The following TET2 variants were observed in gnomAD, a reference collection of about 807,000 sequenced individuals.
TET2 encodes tet methylcytosine dioxygenase 2.
Under a neutral mutation model 142.9 loss-of-function variants are expected in TET2, and 299 were observed. The observed-to-expected ratio is 2.09, with a 90% CI of 1.90 to 2.30. TET2 has a LOEUF of 2.30. TET2 is among the 30% of genes most tolerant of loss of function. TET2 has a pLI of 0.00. For synonymous variants in TET2, 819 were observed against 849.0 expected, an observed-to-expected ratio of 0.96 and a Z score of 0.61; for missense variants, 2,418 against 2,378.0, an observed-to-expected ratio of 1.02 and a Z score of -0.35.
intron 2 of TET2, among the ~76,000 whole-genome samples, chr4:105,198,336 C>CAATAAATA (rs551451195): frequency 6.6e-6 from 1 of 151,846 alleles, no homozygotes; most frequent in Non-Finnish European, 1.5e-5. Flanking sequence ...AACTCTGTCT[C>CAATAAATA]AATAAATAAA....
chr4:105,240,565 A>G, intron 3 of TET2: 2 of 1,079,356 alleles, frequency 1.9e-6, no homozygotes, highest in Non-Finnish European at 2.3e-6. Context: ...GTGTAGAAGG[A>G]TGGAGGGAGG....
At position 105,276,838 on chromosome 4, in the gene TET2, T is replaced by TCCCCCCC. The variant is rs59576487; in HGVS notation, c.*324_*330dup. The TCCCCCCC allele has an allele frequency of 2.6e-5, 4 of 155,948 alleles. No individual in the cohort carries two copies. Among genetic ancestry groups the TCCCCCCC allele is most frequent in the Non-Finnish European group, 4.9e-5 (4 of 81,402 alleles). The allele number at this position is 155,948 out of a possible 1,614,324, so 9.7% of individuals were successfully genotyped here. A position where few individuals can be genotyped will look rare whatever the true frequency, so the allele number is the denominator to read the frequency against. ...TGGACGAGATGATATGTAAATGTGA[T>TCCCCCCC]CCCCCCCCCCCGCTTACAACTCTAC... On this transcript the variant is annotated 3_prime_UTR_variant, in exon 11 of 11. Transcript: ENST00000380013.
intron 2 of TET2, among the ~76,000 whole-genome samples, chr4:105,218,064 C>T (rs748441854): frequency 3.7e-4 from 56 of 152,180 alleles, no homozygotes; most frequent in Non-Finnish European, 5.6e-4. Context: ...GTAAGTTTAT[C>T]AATTAATAAT....
At chr4:105,199,642 G>T (rs892072137) in intron 2 of TET2, among the ~76,000 whole-genome samples, 18 of 152,090 alleles carry the variant, frequency 1.2e-4, no homozygotes, top group African/African-American at 3.9e-4. Context: ...CATCACCCAG[G>T]TATTAAGCCT....
chr4:105,250,377 T>C lies in TET2; in HGVS notation c.3803+6599T>C, dbSNP rs567829725. On this transcript the variant is annotated intron_variant, in intron 6 of 10. Transcript: ENST00000380013. ...AAGATCAGCTTCTCCGTTTCCTTTC[T>C]GGATTTTTTTTTTTTTTTTTTTTTT... 2.7e-3 allele frequency among the ~76,000 whole-genome samples: 377 copies of C among 138,234 alleles called. 2 individuals are homozygous for C. Among genetic ancestry groups the C allele is most frequent in the Middle Eastern group, 7.3e-3 (2 of 274 alleles). The allele number at this position is 138,234 out of a possible 152,430, so 90.7% of individuals were successfully genotyped here. A position where few individuals can be genotyped will look rare whatever the true frequency, so the allele number is the denominator to read the frequency against.
intron 3 of TET2, chr4:105,240,107 C>G (rs571721624): frequency 1.8e-4 from 41 of 232,990 alleles, no homozygotes; most frequent in Admixed American, 1.5e-3. Context: ...GATCACTGAT[C>G]ACAGATCGCC....
intron 3 of TET2, chr4:105,240,874 G>T: frequency 9.3e-7 from 1 of 1,079,982 alleles, no homozygotes; most frequent in Non-Finnish European, 1.1e-6. Flanking sequence ...GAAGAAAAAG[G>T]GGTATCCTTG....
At chr4:105,267,723 C>T (rs1730754170) in intron 8 of TET2, among the ~76,000 whole-genome samples, 1 of 151,552 alleles carries the variant, frequency 6.6e-6, no homozygotes, top group Admixed American at 6.6e-5. Context: ...ATGGTTTTAA[C>T]ACCCCTAATT....
At position 105,259,644 on chromosome 4, in the gene TET2, G is replaced by A; in HGVS notation, c.3829G>A (p.Asp1277Asn). 1 of 1,551,060 alleles carries A rather than the reference G, an allele frequency of 6.4e-7. No individual in the cohort carries two copies. Among genetic ancestry groups the A allele is most frequent in the Non-Finnish European group, 8.7e-7 (1 of 1,146,488 alleles). The stretch of plus-strand genomic sequence containing the variant: ...GAGAACTTGCGCCTGTCAGGGGCTG[G>A]ATCCAGAAACCTGTGGTGCCTCCTT... Reference protein sequence around the residue: ...EERTCACQGLDPETCGASFSF... With the variant: ...EERTCACQGLNPETCGASFSF... Residue 1277 changes from aspartate to asparagine, a missense_variant, in exon 7 of 11, where the codon GAT (aspartate) becomes AAT (asparagine). Transcript: ENST00000380013.
chr4:105,148,025 C>T (rs1403189303), intron 1 of TET2, among the ~76,000 whole-genome samples: 1 of 152,054 alleles, frequency 6.6e-6, no homozygotes, highest in African/African-American at 2.4e-5. Flanking sequence ...TCTGTGTCTC[C>T]TCTCTACTCT....
In TET2 at chr4:105,235,780, G is replaced by A. The variant is rs1728835421; in HGVS notation, c.1838G>A (p.Gly613Glu). 6.2e-7 allele frequency: 1 copy of A among 1,613,922 alleles called. No individual in the cohort carries two copies. The highest frequency in any genetic ancestry group is 1.7e-5 in the Admixed American group (1 of 59,968). Residue 613 changes from glycine (G) to glutamate (E), a missense_variant, in exon 3 of 11, where the codon GGG becomes GAG. Physicochemically the swap from Gly to Glu is moderately conservative, Grantham distance 98. Coordinates refer to ENST00000380013, the MANE Select transcript of TET2 (RefSeq NM_001127208.3). ...KQYTGNSNMP[G>E]GLPRQAYTQK... ...TACACTGGAAATTCCAACATGCCTGGGGGGCTCCCAAGGCAAGCTTACACC... is the reference window on the plus strand; with the variant it reads ...TACACTGGAAATTCCAACATGCCTGAGGGGCTCCCAAGGCAAGCTTACACC...
intron 1 of TET2, among the ~76,000 whole-genome samples, chr4:105,155,479 A>G (rs1723520087): frequency 6.6e-6 from 1 of 152,252 alleles, no homozygotes; most frequent in South Asian, 2.1e-4. Context: ...AGGTAAAATG[A>G]GTGCAGATTT....
chr4:105,146,609 CAGGCCGGGGCGGAGCGGGAGG>C (rs1299827329), upstream of TET2: 7 of 153,264 alleles, frequency 4.6e-5, no homozygotes, highest in South Asian at 2.0e-4. Context: ...GGCGGCGGCG[CAGGCCGGGGCGGAGCGGGAGG>C]AGGCCGGGGC....
chr4:105,242,726 A>G, intron 4 of TET2, 108 bp from the exon 5 acceptor site: 2 of 1,479,486 alleles, frequency 1.4e-6, no homozygotes, highest in Non-Finnish European at 1.8e-6. Flanking sequence ...TTCATTTCTC[A>G]GGATGTGGTC....
intron 4 of TET2, chr4:105,242,036 C>T (rs1283761728): frequency 8.1e-7 from 1 of 1,236,724 alleles, no homozygotes; most frequent in Non-Finnish European, 1.0e-6. Context: ...GCAGAGAAGG[C>T]CTTTCATATA....
At chr4:105,230,219 T>G (rs1474557091) in intron 2 of TET2, among the ~76,000 whole-genome samples, 2 of 152,092 alleles carry the variant, frequency 1.3e-5, no homozygotes, top group African/African-American at 4.8e-5. Flanking sequence ...TTTTTGTATC[T>G]TTTTAGGAGA....
At chr4:105,158,821 A>AC (rs1491502782) in intron 1 of TET2, among the ~76,000 whole-genome samples, 1 of 152,032 alleles carries the variant, frequency 6.6e-6, no homozygotes, top group African/African-American at 2.4e-5. Context: ...GAAAAAAAAA[A>AC]AGAAAGAAAA....
At chr4:105,261,242 CA>C in intron 7 of TET2, among the ~76,000 whole-genome samples, 1 of 152,110 alleles carries the variant, frequency 6.6e-6, no homozygotes, top group Non-Finnish European at 1.5e-5. Flanking sequence ...GTAAATTCTG[CA>C]AAGGTTTTCA....
chr4:105,169,162 T>G (rs965005989), intron 1 of TET2, among the ~76,000 whole-genome samples: 17 of 152,216 alleles, frequency 1.1e-4, no homozygotes, highest in African/African-American at 4.1e-4. Context: ...ATCTCCACAC[T>G]GTTTTCCATA....
Sources: allele counts gnomAD v4.1 joint callset (sites outside exome capture counted in the v4.1 genomes callset), GRCh38; gene constraint gnomAD v4.1.1; transcripts MANE v1.5; gene names NCBI Gene and HGNC (gene_info 2026-07-23, HGNC 2026-07-21).